MAP4: variants seen among roughly 807,000 people sequenced by gnomAD.
MAP4 encodes the protein microtubule-associated protein 4.
A neutral mutation model predicts 170.2 loss-of-function variants in MAP4; 76 were observed. The ratio of observed to expected loss-of-function variants is 0.45; its 90% confidence interval spans 0.37 to 0.54. The LOEUF is 0.54. Among genes scored for constraint, MAP4 ranks in the 20% least tolerant of loss-of-function variants. MAP4 has a pLI of 0.00. For synonymous variants in MAP4, 909 were observed against 994.5 expected (o/e 0.91, Z 1.62); for missense variants, 2,506 against 2,748.0 (o/e 0.91, Z 1.97).
chr3:47,910,306 T>C lies in MAP4; in HGVS notation c.4115A>G (p.Lys1372Arg). 6.3e-7 allele frequency: 1 copy of C among 1,576,234 alleles called. No homozygotes were observed. The highest frequency in any genetic ancestry group is 8.6e-7 in the Non-Finnish European group (1 of 1,166,078). ...RSNDGKSKKV[K>R]NSSPEKHILE... is the part of the protein sequence containing the mutation. Reference sequence around the variant, plus strand: ...AATGTGCTTCTCAGGAGAACTATTTTTAACCTTTTTACTTTTTCCATCATT... The same window carrying C: ...AATGTGCTTCTCAGGAGAACTATTTCTAACCTTTTTACTTTTTCCATCATT... Residue 1372 changes from lysine (K) to arginine (R), a missense_variant, in exon 9 of 21, where the codon AAA (lysine) becomes AGA (arginine). Lys to Arg is a conservative substitution (Grantham distance 26, BLOSUM62 2). Coordinates refer to ENST00000683076, the MANE Select transcript of MAP4 (RefSeq NM_001385682.1).
chr3:47,867,774 T>C (rs1290348679), intron 16 of MAP4, among the ~76,000 whole-genome samples: 1 of 152,226 alleles, frequency 6.6e-6, no homozygotes, highest in Non-Finnish European at 1.5e-5. Flanking sequence ...AAGAGGGTGC[T>C]TCCCTTAAAT....
In MAP4 at chr3:47,921,830, G is replaced by A. The variant is rs138444567; in HGVS notation, c.464C>T (p.Pro155Leu). ...HDDDLADLVF[P>L]SSATADTSIF... Reference sequence around the variant, plus strand: ...TGAAGTATCAGCTGTCGCACTGGAGGGAAAGACCAAATCTGCCAGGTCATC... The same window carrying A: ...TGAAGTATCAGCTGTCGCACTGGAGAGAAAGACCAAATCTGCCAGGTCATC... Residue 155 changes from proline (P) to leucine (L), a missense_variant, in exon 5 of 21, where the codon CCC becomes CTC. Pro to Leu is a moderately conservative substitution (Grantham distance 98). Transcript: ENST00000683076. 3.4e-5 allele frequency: 54 copies of A among 1,611,172 alleles called. No homozygotes were observed. The highest frequency in any genetic ancestry group is 4.5e-5 in the Non-Finnish European group (53 of 1,177,504).
chr3:48,073,446 T>C (rs989338174), intron 1 of MAP4, among the ~76,000 whole-genome samples: 7 of 151,248 alleles, frequency 4.6e-5, no homozygotes, highest in Non-Finnish European at 1.0e-4. Context: ...ACCCCGACTC[T>C]ACTAAAAATA....
chr3:47,994,538 G>A (rs143774669), intron 2 of MAP4, among the ~76,000 whole-genome samples: 1 of 152,304 alleles, frequency 6.6e-6, no homozygotes, highest in Non-Finnish European at 1.5e-5. Context: ...CAGTGAGGTG[G>A]TAGCAGTAGA....
intron 10 of MAP4, among the ~76,000 whole-genome samples, chr3:47,890,547 G>A (rs1020441593): frequency 1.1e-4 from 17 of 152,110 alleles, no homozygotes; most frequent in Admixed American, 1.0e-3. Context: ...CTTAATGAGA[G>A]GAGGTTAGTG....
chr3:47,929,393 C>G (rs1173925613), intron 3 of MAP4, among the ~76,000 whole-genome samples: 2 of 151,940 alleles, frequency 1.3e-5, no homozygotes, highest in Non-Finnish European at 2.9e-5. Context: ...TGGAACAGAA[C>G]AGGTTCAGAA....
chr3:47,918,869 T>A (rs1419815372), intron 5 of MAP4, 28 bp from the exon 6 acceptor site: 1 of 1,589,666 alleles, frequency 6.3e-7, no homozygotes, highest in Non-Finnish European at 8.6e-7. Flanking sequence ...ACAAATACAT[T>A]TTGAAACTTA....
At chr3:48,043,689 C>A (rs1009203997) in intron 1 of MAP4, among the ~76,000 whole-genome samples, 3 of 152,034 alleles carry the variant, frequency 2.0e-5, no homozygotes, top group Non-Finnish European at 4.4e-5. Context: ...TAGGGGGTAC[C>A]CCTAAAAACT....
chr3:47,998,204 G>A (rs1016307162), intron 2 of MAP4, among the ~76,000 whole-genome samples: 12 of 152,128 alleles, frequency 7.9e-5, no homozygotes, highest in Non-Finnish European at 1.3e-4. Flanking sequence ...TCTGATCCAG[G>A]AAAATGGCAA....
At chr3:48,019,537 G>A (rs1488885830), upstream of MAP4, among the ~76,000 whole-genome samples, 1 of 151,950 alleles carries the variant, frequency 6.6e-6, no homozygotes, top group East Asian at 1.9e-4. Flanking sequence ...AAGAAAGGAA[G>A]AATATTCATA....
upstream of MAP4, among the ~76,000 whole-genome samples, chr3:48,020,230 T>G (rs2100109896): frequency 6.6e-6 from 1 of 152,200 alleles, no homozygotes; most frequent in Non-Finnish European, 1.5e-5. Flanking sequence ...AGAGTTCCCC[T>G]TAACGCTTGA....
At chr3:47,923,536 G>A (rs1347331734) in intron 4 of MAP4, among the ~76,000 whole-genome samples, 3 of 148,472 alleles carry the variant, frequency 2.0e-5, no homozygotes, top group Non-Finnish European at 4.5e-5. Flanking sequence ...ATGATATGGC[G>A]ACTGTGAATA....
chr3:47,858,955 C>T (rs369718274), intron 17 of MAP4, among the ~76,000 whole-genome samples: 3 of 151,936 alleles, frequency 2.0e-5, no homozygotes, highest in South Asian at 2.1e-4. Context: ...GGTGAAACCC[C>T]GTCTCTACTA....
chr3:47,891,577 A>G, intron 10 of MAP4: 1 of 1,533,776 alleles, frequency 6.5e-7, no homozygotes, highest in Non-Finnish European at 8.7e-7. Flanking sequence ...CTGAGAGGTG[A>G]GAACATTCAG....
intron 3 of MAP4, among the ~76,000 whole-genome samples, chr3:47,961,955 T>C (rs944160197): frequency 6.6e-6 from 1 of 152,192 alleles, no homozygotes; most frequent in Non-Finnish European, 1.5e-5. Flanking sequence ...GAACAAGATC[T>C]GGCTGAAACC....
chr3:47,943,545 G>T lies in MAP4; in HGVS notation c.293-15195C>A, dbSNP rs139128804. Among the ~76,000 whole-genome samples, 1,163 of 152,010 alleles carry T rather than the reference G, an allele frequency of 7.7e-3. 15 individuals carry two copies. The highest frequency in any genetic ancestry group is 0.014 in the Non-Finnish European group (958 of 67,994). On this transcript the variant is annotated intron_variant, in intron 3 of 20. Transcript: ENST00000683076. The stretch of plus-strand genomic sequence containing the variant: ...AATTGCTTGAACTCGGGAGGCAGAG[G>T]GTGCAGTGAGCCCAGATCCCGTACT...
intron 3 of MAP4, among the ~76,000 whole-genome samples, chr3:47,968,980 T>TGAAAAAAAAAAA (rs1559640046): frequency 2.6e-5 from 4 of 152,280 alleles, no homozygotes; most frequent in Admixed American, 2.0e-4. Flanking sequence ...ACAAATTATA[T>TGAAAAAAAAAAA]AACCTAGATG....
At chr3:48,006,543 C>G (rs1161104045) in intron 1 of MAP4, among the ~76,000 whole-genome samples, 1 of 152,214 alleles carries the variant, frequency 6.6e-6, no homozygotes, top group Non-Finnish European at 1.5e-5. Context: ...TACTTAGCAG[C>G]TGGCAAAACC....
intron 3 of MAP4, among the ~76,000 whole-genome samples, chr3:47,953,454 C>T (rs933705598): frequency 6.6e-6 from 1 of 151,828 alleles, no homozygotes. Context: ...CCTAGGAGTT[C>T]GAAATTACAG....
Sources: allele counts gnomAD v4.1 joint callset (sites outside exome capture counted in the v4.1 genomes callset), GRCh38; gene constraint gnomAD v4.1.1; transcripts MANE v1.5; gene names NCBI Gene and HGNC (gene_info 2026-07-23, HGNC 2026-07-21).